Variants in ERICH6B observed in about 807,000 individuals in gnomAD.
The protein encoded by ERICH6B is glutamate rich 6B.
A neutral mutation model predicts 80.0 loss-of-function variants in ERICH6B; 69 were observed. That is an observed-to-expected ratio of 0.86 (90% confidence interval 0.71 to 1.05). The LOEUF (loss-of-function observed/expected upper bound fraction) is 1.05, where lower values mean the gene tolerates loss of function less well. Ranked by LOEUF, ERICH6B falls within the 50% of genes least tolerant of loss-of-function variation. The pLI is 0.00. For synonymous variants in ERICH6B, 283 were observed against 291.9 expected (o/e 0.97, Z 0.31); for missense variants, 754 against 796.1 (o/e 0.95, Z 0.64).
chr13:45,595,502 T>A (rs1876324903), intron 3 of ERICH6B, among the ~76,000 whole-genome samples: 3 of 151,976 alleles, frequency 2.0e-5, no homozygotes, highest in Non-Finnish European at 4.4e-5. Context: ...TGTGTGTATG[T>A]GTATATATAT....
rs534711255 is a variant in ERICH6B, at chr13:45,587,022, A to G, written c.856+41T>C. Reference sequence around the variant, plus strand: ...AAACCATTCCTCCCCTGGCCCACAGAGCCCGGCTGCGCCTCACCGACAGAG... The same window carrying G: ...AAACCATTCCTCCCCTGGCCCACAGGGCCCGGCTGCGCCTCACCGACAGAG... On this transcript the variant is annotated intron_variant, in intron 5 of 14. Coordinates refer to ENST00000298738, the MANE Select transcript of ERICH6B (RefSeq NM_182542.3). The G allele has an allele frequency of 2.2e-4, 330 of 1,529,952 alleles. 1 individual carries two copies. The highest frequency in any genetic ancestry group is 2.7e-4 in the Non-Finnish European group (308 of 1,136,298). 94.8% of individuals were successfully genotyped at this position (1,529,952 alleles called of 1,614,324 possible).
chr13:45,546,500 C>T (rs1873995933), intron 13 of ERICH6B, among the ~76,000 whole-genome samples: 1 of 152,138 alleles, frequency 6.6e-6, no homozygotes, highest in South Asian at 2.1e-4. Context: ...TCTTTGAAAA[C>T]AACCCTTGAT....
At chr13:45,607,169 A>T (rs932846995) in intron 2 of ERICH6B, among the ~76,000 whole-genome samples, 3 of 152,126 alleles carry the variant, frequency 2.0e-5, no homozygotes, top group African/African-American at 7.2e-5. Context: ...TTTAGGTTGG[A>T]TTTTACTCCC....
intron 1 of ERICH6B, among the ~76,000 whole-genome samples, chr13:45,613,196 G>A (rs780293945): frequency 8.6e-5 from 13 of 152,026 alleles, no homozygotes; most frequent in Non-Finnish European, 1.2e-4. Flanking sequence ...AATATCCACA[G>A]CCAAAAGGCT....
intron 3 of ERICH6B, among the ~76,000 whole-genome samples, chr13:45,593,575 C>T (rs1017092230): frequency 6.6e-6 from 1 of 152,128 alleles, no homozygotes; most frequent in Non-Finnish European, 1.5e-5. Flanking sequence ...ACAACCAAGA[C>T]ATGGAGAGGT....
At chr13:45,547,647 C>T (rs994365044) in intron 13 of ERICH6B, among the ~76,000 whole-genome samples, 8 of 152,204 alleles carry the variant, frequency 5.3e-5, no homozygotes, top group Admixed American at 4.6e-4. Flanking sequence ...CCTGTACATG[C>T]CCTGTCATAA....
intron 1 of ERICH6B, among the ~76,000 whole-genome samples, chr13:45,613,573 A>C (rs182571572): frequency 1.3e-5 from 2 of 152,310 alleles, no homozygotes; most frequent in Non-Finnish European, 2.9e-5. Context: ...GAAGTTTATC[A>C]CAACCACCAG....
intron 3 of ERICH6B, among the ~76,000 whole-genome samples, chr13:45,592,355 G>T (rs192981956): frequency 6.6e-6 from 1 of 152,334 alleles, no homozygotes; most frequent in African/African-American, 2.4e-5. Context: ...TCACAGAGGT[G>T]AACTTCCTTT....
At chr13:45,573,010 A>T (rs2137991297) in intron 8 of ERICH6B, among the ~76,000 whole-genome samples, 1 of 152,222 alleles carries the variant, frequency 6.6e-6, no homozygotes, top group Admixed American at 6.5e-5. Flanking sequence ...AAAATGGTAC[A>T]ACTTACTGGT....
At chr13:45,564,629 T>A (rs1271610913) in intron 9 of ERICH6B, among the ~76,000 whole-genome samples, 7 of 152,204 alleles carry the variant, frequency 4.6e-5, no homozygotes, top group Non-Finnish European at 1.0e-4. Context: ...ATTCGTACCC[T>A]AGAAGCAATA....
rs28417858 is a variant in ERICH6B at position 45,596,728 on chromosome 13, T to C, written c.278A>G (p.Glu93Gly). ...TGCCTTCTCCAGATACTCTTCCTCC[T>C]CCAGATGCTCTTCCTTCCCCAGATA... is the stretch of plus-strand genomic sequence containing the variant. The part of the protein sequence containing the change: ...EEYLGKEEHL[E>G]EEEYLEKAGY... Residue 93 changes from glutamate (E) to glycine (G), a missense_variant, in exon 3 of 15, where the codon GAG becomes GGG. By Grantham distance (98) the Glu-to-Gly change is moderately conservative. Coordinates refer to ENST00000298738, the MANE Select transcript of ERICH6B (RefSeq NM_182542.3). 6.4e-7 allele frequency: 1 copy of C among 1,551,746 alleles called. No individual in the cohort carries two copies. The highest frequency in any genetic ancestry group is 8.7e-7 in the Non-Finnish European group (1 of 1,147,008).
At chr13:45,560,429 C>T (rs1016232905) in intron 11 of ERICH6B, among the ~76,000 whole-genome samples, 1 of 152,174 alleles carries the variant, frequency 6.6e-6, no homozygotes, top group Admixed American at 6.5e-5. Flanking sequence ...GAGAGTGGTA[C>T]ATTTGTTATA....
intron 1 of ERICH6B, among the ~76,000 whole-genome samples, chr13:45,612,075 T>C (rs1441169589): frequency 6.6e-6 from 1 of 152,252 alleles, no homozygotes; most frequent in Admixed American, 6.5e-5. Context: ...CATGGATTGA[T>C]GTTACATTTC....
In ERICH6B at chr13:45,555,695, A is replaced by G. The variant is rs188075404; in HGVS notation, c.1408-5379T>C. ...TGATGAAAAGACCCAGATCCCCGAG[A>G]TGCACTTTGAAAGGGAGCCACTCAA... On this transcript the variant is annotated intron_variant, in intron 11 of 14. Coordinates refer to ENST00000298738, the MANE Select transcript of ERICH6B (RefSeq NM_182542.3). 3.9e-5 allele frequency among the ~76,000 whole-genome samples: 6 copies of G among 152,208 alleles called. No individual in the cohort carries two copies. In the East Asian group the frequency reaches 1.2e-3, roughly 29 times the overall value.
At chr13:45,588,704 T>C (rs1042399683) in intron 4 of ERICH6B, among the ~76,000 whole-genome samples, 4 of 152,226 alleles carry the variant, frequency 2.6e-5, no homozygotes, top group Admixed American at 6.5e-5. Context: ...TCCACTATCA[T>C]GTACTTTTCC....
intron 9 of ERICH6B, 51 bp downstream of exon 9, chr13:45,568,264 C>G: frequency 6.8e-7 from 1 of 1,474,518 alleles, no homozygotes; most frequent in Non-Finnish European, 9.0e-7. Flanking sequence ...GCTGCCACCT[C>G]TGGCATACCC....
At chr13:45,615,356 T>A (rs184630416) in intron 1 of ERICH6B, among the ~76,000 whole-genome samples, 31 of 152,316 alleles carry the variant, frequency 2.0e-4, no homozygotes, top group Non-Finnish European at 3.7e-4. Flanking sequence ...ACACTCGCAC[T>A]TCCCCCCAGA....
At chr13:45,549,726 C>T (rs1189407920) in intron 13 of ERICH6B, among the ~76,000 whole-genome samples, 167 bp downstream of exon 13, 1 of 152,214 alleles carries the variant, frequency 6.6e-6, no homozygotes, top group East Asian at 1.9e-4. Context: ...ATCGTGCCTC[C>T]TCTGTGGTCA....
chr13:45,565,112 C>T (rs910665144), intron 9 of ERICH6B, among the ~76,000 whole-genome samples: 35 of 151,954 alleles, frequency 2.3e-4, no homozygotes, highest in African/African-American at 6.5e-4. Context: ...AGTGGGATAA[C>T]GTATAGAGAT....
Sources: gnomAD v4.1 joint callset for allele counts (sites outside exome capture counted in the v4.1 genomes callset) on GRCh38, gnomAD v4.1.1 for gene constraint, MANE v1.5 for transcripts, NCBI Gene and HGNC (gene_info 2026-07-23, HGNC 2026-07-21) for gene names.